Variants in ZNF407 observed in about 807,000 individuals in gnomAD.
ZNF407 encodes the protein zinc finger protein 407.
Under a neutral mutation model 131.2 loss-of-function variants are expected in ZNF407, and 17 were observed. That is an observed-to-expected ratio of 0.13 (90% CI 0.09 to 0.19). ZNF407 has a LOEUF of 0.19. Among genes scored for constraint, ZNF407 ranks in the 10% least tolerant of loss-of-function variants. The pLI is 1.00. For synonymous variants in ZNF407, 1,156 were observed against 1,062.0 expected (o/e 1.09, Z -1.72); for missense variants, 2,681 against 2,830.6 (o/e 0.95, Z 1.20).
In ZNF407 at chr18:74,633,775, T is replaced by A; in HGVS notation, c.2756T>A (p.Ile919Asn). 3 of 1,613,470 alleles carry A rather than the reference T, an allele frequency of 1.9e-6. No individual in the cohort carries two copies. The highest frequency in any genetic ancestry group is 2.5e-6 in the Non-Finnish European group (3 of 1,179,794). ...GCAAGTGGAAAACACAGTTCAGATA[T>A]CATTGTTGGCCCTGAAGGGGGTAGC... ...IEASGKHSSDIIVGPEGGSLE... is the reference protein window; with the variant it reads ...IEASGKHSSDNIVGPEGGSLE... Residue 919 changes from isoleucine to asparagine, a missense_variant, in exon 2 of 9, where the codon ATC (isoleucine) becomes AAC (asparagine). Ile to Asn is a moderately radical substitution (Grantham distance 149, BLOSUM62 -3). This residue lies in a region of ZNF407 where 1,789 missense variants were observed against 1,748.7 expected (regional missense o/e 1.02). Coordinates refer to ENST00000299687, the MANE Select transcript of ZNF407 (RefSeq NM_017757.3).
chr18:74,780,011 C>A (rs1434491851), intron 3 of ZNF407, among the ~76,000 whole-genome samples: 1 of 47,560 alleles, frequency 2.1e-5, no homozygotes, highest in African/African-American at 6.0e-5. Context: ...GAAACAAATA[C>A]AGAATTTTTG....
At chr18:74,996,062 G>A (rs932781898) in intron 8 of ZNF407, among the ~76,000 whole-genome samples, 1 of 152,126 alleles carries the variant, frequency 6.6e-6, no homozygotes, top group Non-Finnish European at 1.5e-5. Flanking sequence ...ACTCAAGTTT[G>A]GTTTTAATAC....
intron 8 of ZNF407, among the ~76,000 whole-genome samples, chr18:74,969,751 G>C (rs1277971513): frequency 6.6e-6 from 1 of 152,164 alleles, no homozygotes; most frequent in Non-Finnish European, 1.5e-5. Context: ...TTTTCCACAC[G>C]GACCTTGGGG....
chr18:74,633,095 C>T lies in ZNF407; in HGVS notation c.2076C>T (p.Ser692=). ...SQEEPLKSRV[S]HGNEVRHSSK... ...AAGAACCTCTGAAGTCCAGGGTAAG[C>T]CATGGTAATGAAGTGAGGCATTCCA... Residue 692 remains serine (S), a synonymous_variant, in exon 2 of 9, where the codon AGC becomes AGT. Transcript: ENST00000299687. 1 of 1,613,772 alleles carries T rather than the reference C, an allele frequency of 6.2e-7. No individual in the cohort carries two copies. The highest frequency in any genetic ancestry group is 1.1e-5 in the South Asian group (1 of 91,046).
chr18:74,665,193 G>A (rs943487117), intron 3 of ZNF407, among the ~76,000 whole-genome samples: 8 of 152,218 alleles, frequency 5.3e-5, no homozygotes, highest in Middle Eastern at 3.2e-3. Context: ...AAATACTGAT[G>A]TAAAGTGGCT....
At chr18:74,971,455 TTTC>T (rs1228037315) in intron 8 of ZNF407, among the ~76,000 whole-genome samples, 1 of 152,154 alleles carries the variant, frequency 6.6e-6, no homozygotes, top group Non-Finnish European at 1.5e-5. Context: ...TGCTTAGAAA[TTTC>T]TTCTGCCAGA....
chr18:74,984,036 T>C (rs778673081), intron 8 of ZNF407, among the ~76,000 whole-genome samples: 20 of 152,270 alleles, frequency 1.3e-4, no homozygotes, highest in Non-Finnish European at 2.6e-4. Context: ...GTCATATTAC[T>C]TGATAACAGC....
chr18:74,954,194 T>G lies in ZNF407; in HGVS notation c.5428+33502T>G, dbSNP rs553747956. On this transcript the variant is annotated intron_variant, in intron 8 of 8. Transcript: ENST00000299687. ...TGCCAATTAGAAAAGCATTTTTTGATCATTTGGCTCACTTAAGATAATCTC... is the reference window on the plus strand; with the variant it reads ...TGCCAATTAGAAAAGCATTTTTTGAGCATTTGGCTCACTTAAGATAATCTC... 1.2e-4 allele frequency among the ~76,000 whole-genome samples: 18 copies of G among 152,204 alleles called. No individual in the cohort carries two copies. The East Asian group carries it at 3.5e-3, about 29-fold the overall frequency.
chr18:74,744,931 CTT>C (rs1254821525), intron 3 of ZNF407, among the ~76,000 whole-genome samples: 1 of 151,978 alleles, frequency 6.6e-6, no homozygotes, highest in African/African-American at 2.4e-5. Flanking sequence ...GATTTTATAG[CTT>C]TACCATATAT....
intron 8 of ZNF407, among the ~76,000 whole-genome samples, chr18:74,971,653 G>T (rs1047892975): frequency 6.6e-6 from 1 of 152,100 alleles, no homozygotes; most frequent in African/African-American, 2.4e-5. Flanking sequence ...AGCATTTTGG[G>T]CAAAGCCATT....
intron 3 of ZNF407, among the ~76,000 whole-genome samples, chr18:74,645,273 T>C (rs953968568): frequency 6.6e-6 from 1 of 151,878 alleles, no homozygotes; most frequent in Non-Finnish European, 1.5e-5. Flanking sequence ...GCAGTGTTAG[T>C]TTTTTTTAAA....
intron 6 of ZNF407, among the ~76,000 whole-genome samples, chr18:74,883,801 T>G (rs1971271461): frequency 6.6e-6 from 1 of 152,244 alleles, no homozygotes; most frequent in Admixed American, 6.5e-5. Context: ...GGGCCTGAGA[T>G]GCAGTATGTT....
chr18:74,784,263 A>G (rs188052487), intron 4 of ZNF407, among the ~76,000 whole-genome samples: 1 of 152,348 alleles, frequency 6.6e-6, no homozygotes, highest in African/African-American at 2.4e-5. Context: ...TTGATTCTCC[A>G]TTCTAATGCA....
At chr18:74,689,595 T>C (rs1032535188) in intron 3 of ZNF407, among the ~76,000 whole-genome samples, 2 of 152,224 alleles carry the variant, frequency 1.3e-5, no homozygotes, top group Non-Finnish European at 2.9e-5. Context: ...TGAGTGATAG[T>C]ATTGTGTTTT....
chr18:74,963,501 AT>A (rs1016686416), intron 8 of ZNF407, among the ~76,000 whole-genome samples: 12 of 151,660 alleles, frequency 7.9e-5, no homozygotes, highest in South Asian at 2.1e-4. Context: ...GAACTACTCG[AT>A]TTTTTTTTAA....
intron 4 of ZNF407, among the ~76,000 whole-genome samples, chr18:74,800,449 T>C (rs1046088152): frequency 2.0e-5 from 3 of 152,094 alleles, no homozygotes; most frequent in Non-Finnish European, 2.9e-5. Context: ...TTCCACATTT[T>C]TTCCAGTTGT....
intron 8 of ZNF407, among the ~76,000 whole-genome samples, chr18:74,925,059 G>A (rs1207007333): frequency 6.6e-6 from 1 of 152,146 alleles, no homozygotes; most frequent in African/African-American, 2.4e-5. Flanking sequence ...TGATTACAAG[G>A]TGTTCTCTTT....
chr18:74,716,534 G>A (rs528887378), intron 3 of ZNF407, among the ~76,000 whole-genome samples: 164 of 152,230 alleles, frequency 1.1e-3, no homozygotes, highest in African/African-American at 3.7e-3. Context: ...CTCTAGGACA[G>A]CCTCAGCAGT....
chr18:74,946,591 A>G (rs997945087), intron 8 of ZNF407, among the ~76,000 whole-genome samples: 5 of 152,386 alleles, frequency 3.3e-5, no homozygotes, highest in Admixed American at 2.6e-4. Context: ...ATCAACAATT[A>G]TAGTTGAAAA....
Sources: allele counts gnomAD v4.1 joint callset (sites outside exome capture counted in the v4.1 genomes callset), GRCh38; gene constraint gnomAD v4.1.1; regional missense constraint gnomAD v4.1.1; transcripts MANE v1.5; gene names NCBI Gene and HGNC (gene_info 2026-07-23, HGNC 2026-07-21).